The following BBS9 variants were observed in gnomAD, a reference collection of about 807,000 sequenced individuals.
The protein encoded by BBS9 is Bardet-Biedl syndrome 9, also known as protein PTHB1.
BBS9 carries 89 observed loss-of-function variants against 117.7 expected under a neutral mutation model. That is an observed-to-expected ratio of 0.76 (90% confidence interval 0.64 to 0.90). BBS9 has a LOEUF of 0.90. Ranked by LOEUF, BBS9 falls within the 40% of genes least tolerant of loss-of-function variation. The pLI, the probability that BBS9 is intolerant of heterozygous loss-of-function variation, is 0.00. For missense variants in BBS9, 982 were observed against 1,042.2 expected (o/e 0.94, Z 0.80); for synonymous variants, 379 against 370.9 (o/e 1.02, Z -0.25).
intron 21 of BBS9, among the ~76,000 whole-genome samples, chr7:33,621,292 C>T (rs902681380): frequency 2.6e-5 from 4 of 151,956 alleles, no homozygotes; most frequent in Non-Finnish European, 4.4e-5. Context: ...ATTTGTGAAC[C>T]GTGTATCTAA....
intron 9 of BBS9, among the ~76,000 whole-genome samples, chr7:33,288,537 C>A: frequency 6.6e-6 from 1 of 152,154 alleles, no homozygotes; most frequent in East Asian, 1.9e-4. Flanking sequence ...AACAACTTGG[C>A]TAGATAAAAG....
At position 33,139,880 on chromosome 7, in the gene BBS9, T is replaced by C. The variant is rs570146392; in HGVS notation, c.-11-6362T>C. ...AGCTTATGCCTCCAAGTCTTCATCCTTTATGGTGTATCAGGAGCACTTGAT... is the reference window on the plus strand; with the variant it reads ...AGCTTATGCCTCCAAGTCTTCATCCCTTATGGTGTATCAGGAGCACTTGAT... On this transcript the variant is annotated intron_variant, in intron 1 of 22. Coordinates refer to ENST00000242067, the MANE Select transcript of BBS9 (RefSeq NM_198428.3). Among the ~76,000 whole-genome samples the C allele has an allele frequency of 6.2e-4, 94 of 152,330 alleles. 1 individual carries two copies. The South Asian group carries it at 0.019, about 31-fold the overall frequency.
chr7:33,267,448 G>C (rs908138683), intron 7 of BBS9, among the ~76,000 whole-genome samples: 1 of 135,984 alleles, frequency 7.4e-6, no homozygotes, highest in Non-Finnish European at 1.6e-5. Context: ...CTCTTTTTCT[G>C]CTTTTCTTTG....
chr7:33,206,756 AATAAT>A (rs1294674424), intron 5 of BBS9, among the ~76,000 whole-genome samples: 3 of 152,180 alleles, frequency 2.0e-5, no homozygotes, highest in Admixed American at 6.5e-5. Context: ...CAATTGGTCT[AATAAT>A]ATAATATAAT....
intron 20 of BBS9, among the ~76,000 whole-genome samples, chr7:33,506,106 T>C (rs757887045): frequency 1.3e-5 from 2 of 152,100 alleles, no homozygotes; most frequent in African/African-American, 2.4e-5. Flanking sequence ...ATTTATAGAG[T>C]TCTTTATGTG....
intron 19 of BBS9, among the ~76,000 whole-genome samples, chr7:33,462,627 G>A (rs902574852): frequency 2.0e-5 from 3 of 151,986 alleles, no homozygotes. Flanking sequence ...AGAAAAAGTG[G>A]TGGTAAGTTC....
At position 33,574,569 on chromosome 7, in the gene BBS9, T is replaced by C. The variant is rs561122506; in HGVS notation, c.2522-30296T>C. 4.6e-5 allele frequency among the ~76,000 whole-genome samples: 7 copies of C among 152,102 alleles called. No homozygotes were observed. The South Asian group carries it at 1.5e-3, about 32-fold the overall frequency. ...TGTCTCCCTGATGTCTTTTATTTTT[T>C]TCCCCTGCCATATTTGGTACCAGAG... On this transcript the variant is annotated intron_variant, in intron 21 of 22. Transcript: ENST00000242067.
At chr7:33,618,082 G>C (rs1292328279) in intron 21 of BBS9, among the ~76,000 whole-genome samples, 1 of 152,158 alleles carries the variant, frequency 6.6e-6, no homozygotes, top group Non-Finnish European at 1.5e-5. Flanking sequence ...TCTCATGCCT[G>C]TAATCCCAAC....
intron 9 of BBS9, among the ~76,000 whole-genome samples, chr7:33,318,653 G>T (rs1422089297): frequency 1.3e-5 from 2 of 152,110 alleles, no homozygotes; most frequent in Non-Finnish European, 2.9e-5. Flanking sequence ...CTTTAGTGGT[G>T]ATTTGTGAGA....
intron 3 of BBS9, 109 bp from the exon 4 acceptor site, chr7:33,155,529 T>C: frequency 1.4e-6 from 1 of 698,456 alleles, no homozygotes. Flanking sequence ...ATTGTTTTGT[T>C]TACTCACAGT....
intron 7 of BBS9, among the ~76,000 whole-genome samples, chr7:33,267,433 T>C (rs1466392951): frequency 2.0e-5 from 3 of 150,046 alleles, no homozygotes; most frequent in African/African-American, 7.4e-5. Flanking sequence ...TTTGGTTTCC[T>C]TTTCCTCTTT....
chr7:33,221,516 A>G (rs1003349588), intron 5 of BBS9, among the ~76,000 whole-genome samples: 7 of 152,172 alleles, frequency 4.6e-5, no homozygotes, highest in Non-Finnish European at 1.0e-4. Flanking sequence ...ATTAGGGAAA[A>G]CTGCTTTCTA....
At chr7:33,237,579 T>C (rs1583807791) in intron 5 of BBS9, among the ~76,000 whole-genome samples, 1 of 149,738 alleles carries the variant, frequency 6.7e-6, no homozygotes, top group African/African-American at 2.5e-5. Context: ...ATAGAGGCAG[T>C]TGGCTAAATA....
At chr7:33,309,042 G>A (rs1174228514) in intron 9 of BBS9, among the ~76,000 whole-genome samples, 1 of 152,140 alleles carries the variant, frequency 6.6e-6, no homozygotes, top group East Asian at 1.9e-4. Context: ...GAGCCAATCT[G>A]TCACTTCTCT....
intron 5 of BBS9, among the ~76,000 whole-genome samples, chr7:33,220,103 C>T (rs1448483404): frequency 6.6e-6 from 1 of 152,166 alleles, no homozygotes; most frequent in Non-Finnish European, 1.5e-5. Context: ...AGACCAAGAA[C>T]CCACCAATTC....
chr7:33,534,350 G>C, intron 21 of BBS9, 174 bp downstream of exon 21: 1 of 694,432 alleles, frequency 1.4e-6, no homozygotes, highest in Admixed American at 2.2e-5. Flanking sequence ...AAATATCCCT[G>C]AGATATTTGC....
chr7:33,333,560 A>G (rs1252626558), intron 9 of BBS9, among the ~76,000 whole-genome samples: 3 of 152,152 alleles, frequency 2.0e-5, no homozygotes, highest in Non-Finnish European at 4.4e-5. Context: ...AAAGTGCTCG[A>G]CATCACTAAT....
intron 19 of BBS9, among the ~76,000 whole-genome samples, chr7:33,435,913 C>A (rs1835239355): frequency 6.6e-6 from 1 of 152,120 alleles, no homozygotes; most frequent in Admixed American, 6.6e-5. Context: ...CAAGAGTACT[C>A]TGAAGAATTA....
intron 9 of BBS9, among the ~76,000 whole-genome samples, chr7:33,311,771 C>T (rs535542202): frequency 3.3e-5 from 5 of 151,768 alleles, no homozygotes; most frequent in South Asian, 2.1e-4. Flanking sequence ...GAGCCAAGAT[C>T]GCACCACTGC....
Sources: allele counts gnomAD v4.1 joint callset (sites outside exome capture counted in the v4.1 genomes callset), GRCh38; gene constraint gnomAD v4.1.1; transcripts MANE v1.5; gene names NCBI Gene and HGNC (gene_info 2026-07-23, HGNC 2026-07-21).